SHISA9: variants seen among roughly 807,000 people sequenced by gnomAD.
The protein encoded by SHISA9 is shisa family member 9.
SHISA9 carries 13 observed loss-of-function variants against 38.0 expected under a neutral mutation model. That is an observed-to-expected ratio of 0.34 (90% CI 0.22 to 0.54). The LOEUF is 0.54. SHISA9 is among the 20% of genes least tolerant of loss of function. The probability of loss-of-function intolerance (pLI) is 0.91; values close to 1 mark genes in which losing one functional copy is unlikely to be tolerated. For synonymous variants in SHISA9, 275 were observed against 242.0 expected (o/e 1.14, Z -1.27); for missense variants, 538 against 575.8 (o/e 0.93, Z 0.67).
the SHISA9 span, among the ~76,000 whole-genome samples, chr16:13,281,493 A>G: frequency 1.3e-5 from 2 of 149,996 alleles, no homozygotes; most frequent in Admixed American, 1.3e-4. Context: ...GAATTACTGA[A>G]TTGATTGTAT....
chr16:12,912,491 C>T (rs2071198607), intron 1 of SHISA9, among the ~76,000 whole-genome samples: 1 of 152,160 alleles, frequency 6.6e-6, no homozygotes. Context: ...AAAGTGATGG[C>T]TTCTTGCTCG....
chr16:13,235,264 C>T lies in SHISA9; in HGVS notation c.1130C>T (p.Ser377Phe). 2.6e-6 allele frequency: 4 copies of T among 1,551,744 alleles called. No homozygotes were observed. The highest frequency in any genetic ancestry group is 3.5e-6 in the Non-Finnish European group (4 of 1,147,028). ...AAGGGCTGGGACCCCAACGAGCAGT[C>T]CCTCCGGCGGCAGGCTTACAGCAAC... ...NFKGWDPNEQ[S>F]LRRQAYSNKG... The change falls in exon 5 of 5, where the codon TCC becomes TTC. Residue 377 changes from serine to phenylalanine, a missense_variant. Ser to Phe is a radical substitution (Grantham distance 155). Coordinates refer to ENST00000558583, the MANE Select transcript of SHISA9 (RefSeq NM_001145204.3).
the SHISA9 span, among the ~76,000 whole-genome samples, chr16:13,245,571 TC>T: frequency 6.6e-6 from 1 of 152,222 alleles, no homozygotes; most frequent in Non-Finnish European, 1.5e-5. Flanking sequence ...TTCAGATGAT[TC>T]CTATAACCTC....
At chr16:13,169,442 A>G (rs1183019988) in intron 2 of SHISA9, among the ~76,000 whole-genome samples, 1 of 152,214 alleles carries the variant, frequency 6.6e-6, no homozygotes, top group Non-Finnish European at 1.5e-5. Context: ...ATGTTAGGAA[A>G]AAATCCCCCT....
At chr16:13,172,331 G>A (rs2050693532) in intron 2 of SHISA9, among the ~76,000 whole-genome samples, 1 of 152,212 alleles carries the variant, frequency 6.6e-6, no homozygotes, top group Non-Finnish European at 1.5e-5. Context: ...GCACATCTTT[G>A]TAGTCCAAAG....
At chr16:12,912,734 C>T (rs1452653432) in intron 1 of SHISA9, among the ~76,000 whole-genome samples, 2 of 152,172 alleles carry the variant, frequency 1.3e-5, no homozygotes, top group African/African-American at 4.8e-5. Context: ...AGGATTGCAT[C>T]TCCTCCCAAT....
At chr16:13,371,520 G>A in the SHISA9 span, among the ~76,000 whole-genome samples, 140 of 152,276 alleles carry the variant, frequency 9.2e-4, no homozygotes, top group African/African-American at 3.1e-3. Context: ...TAGGAACCAA[G>A]GTTAAGAATC....
intron 2 of SHISA9, among the ~76,000 whole-genome samples, chr16:13,015,032 G>C (rs987387221): frequency 4.6e-5 from 7 of 152,192 alleles, no homozygotes; most frequent in African/African-American, 1.7e-4. Context: ...CCTTTCATCA[G>C]CATTGCTCTC....
chr16:13,296,736 C>A, the SHISA9 span, among the ~76,000 whole-genome samples: 56 of 151,444 alleles, frequency 3.7e-4, no homozygotes, highest in African/African-American at 1.4e-3. Flanking sequence ...ACTAAAAATA[C>A]AAAAATTAGC....
chr16:13,077,307 T>C lies in SHISA9; in HGVS notation c.692-126087T>C, dbSNP rs193106312. 2.0e-5 allele frequency among the ~76,000 whole-genome samples: 3 copies of C among 152,022 alleles called. No homozygotes were observed. In the East Asian group the frequency reaches 5.8e-4, roughly 29 times the overall value. On this transcript the variant is annotated intron_variant, in intron 2 of 4. Coordinates refer to ENST00000558583, the MANE Select transcript of SHISA9 (RefSeq NM_001145204.3). ...AGACCAGTGTTCTCTACTTTATCCATATGGTAAAAGATGACTCCCTCAGCA... is the reference window on the plus strand; with the variant it reads ...AGACCAGTGTTCTCTACTTTATCCACATGGTAAAAGATGACTCCCTCAGCA...
At chr16:13,010,071 G>A (rs532830622) in intron 2 of SHISA9, among the ~76,000 whole-genome samples, 2 of 152,140 alleles carry the variant, frequency 1.3e-5, no homozygotes, top group African/African-American at 2.4e-5. Context: ...CCAGCTACTC[G>A]GGAGGCTGAG....
chr16:13,082,897 T>C (rs1257827620), intron 2 of SHISA9, among the ~76,000 whole-genome samples: 1 of 152,226 alleles, frequency 6.6e-6, no homozygotes, highest in Non-Finnish European at 1.5e-5. Context: ...GAAAACCCTT[T>C]CCTTCTTAAG....
chr16:13,283,699 G>A, the SHISA9 span, among the ~76,000 whole-genome samples: 1 of 151,804 alleles, frequency 6.6e-6, no homozygotes, highest in African/African-American at 2.4e-5. Flanking sequence ...TTGAGATTTG[G>A]GTGGGGACAC....
At chr16:13,363,030 G>A in the SHISA9 span, among the ~76,000 whole-genome samples, 1 of 152,192 alleles carries the variant, frequency 6.6e-6, no homozygotes, top group Non-Finnish European at 1.5e-5. Context: ...GTAGAGCTAT[G>A]TTTCATTGAA....
chr16:12,905,131 G>GGT (rs370762163), intron 1 of SHISA9, among the ~76,000 whole-genome samples: 44 of 151,706 alleles, frequency 2.9e-4, no homozygotes, highest in East Asian at 5.8e-4. Flanking sequence ...ACTGTACTGG[G>GGT]GTGTGTGTGT....
At chr16:13,037,428 G>A (rs2073087840) in intron 2 of SHISA9, among the ~76,000 whole-genome samples, 1 of 151,992 alleles carries the variant, frequency 6.6e-6, no homozygotes, top group Admixed American at 6.6e-5. Context: ...AGCAGCGATG[G>A]TTTTGCACAG....
intron 2 of SHISA9, among the ~76,000 whole-genome samples, chr16:13,126,375 A>T (rs2050256232): frequency 6.6e-6 from 1 of 152,148 alleles, no homozygotes; most frequent in African/African-American, 2.4e-5. Context: ...AGCATTGCAT[A>T]AGGTCAGGCA....
At chr16:13,534,426 T>C in the SHISA9 span, among the ~76,000 whole-genome samples, 2 of 152,104 alleles carry the variant, frequency 1.3e-5, no homozygotes, top group African/African-American at 4.8e-5. Flanking sequence ...AGTTTCACCA[T>C]GTTGGCCAGG....
chr16:13,170,039 C>A (rs1386382384), intron 2 of SHISA9, among the ~76,000 whole-genome samples: 8 of 152,000 alleles, frequency 5.3e-5, no homozygotes, highest in Non-Finnish European at 8.8e-5. Context: ...TCTTTCTCTA[C>A]TAAAAATATA....
Sources: gnomAD v4.1 joint callset for allele counts (sites outside exome capture counted in the v4.1 genomes callset) on GRCh38, gnomAD v4.1.1 for gene constraint, MANE v1.5 for transcripts, NCBI Gene and HGNC (gene_info 2026-07-23, HGNC 2026-07-21) for gene names.